Variants in TENM3 observed in about 807,000 individuals in gnomAD.
The protein encoded by TENM3 is teneurin-3.
In TENM3, 63 loss-of-function variants were observed where a neutral mutation model predicts 255.1. The ratio of observed to expected loss-of-function variants is 0.25; its 90% CI spans 0.20 to 0.30. The LOEUF is 0.30. Ranked by LOEUF, TENM3 falls within the 10% of genes least tolerant of loss-of-function variation. TENM3 has a pLI of 1.00. For synonymous variants in TENM3, 1,306 were observed against 1,322.3 expected (o/e 0.99, Z 0.27); for missense variants, 2,929 against 3,461.1 (o/e 0.85, Z 3.86).
Position 182,373,362 on chromosome 4 carries a change from A to G in TENM3, c.511+26433A>G, listed in dbSNP as rs150458663. 5.8e-4 allele frequency among the ~76,000 whole-genome samples: 89 copies of G among 152,316 alleles called. 1 individual carries two copies. The highest frequency in any genetic ancestry group is 4.6e-3 in the South Asian group (22 of 4,826). On this transcript the variant is annotated intron_variant, in intron 3 of 27. Coordinates refer to ENST00000511685, the MANE Select transcript of TENM3 (RefSeq NM_001080477.4). ...GGAAGTACCTGAGGCTGGGTAATTT[A>G]TAACGAAAGAGGTTTATTTGGCTCA...
intron 1 of TENM3, among the ~76,000 whole-genome samples, chr4:182,322,210 A>C (rs1262158040): frequency 6.6e-6 from 1 of 152,216 alleles, no homozygotes; most frequent in African/African-American, 2.4e-5. Context: ...TAAAATAAAA[A>C]CCAAATTCAT....
At position 182,186,762 on chromosome 4, in the gene TENM3, CATATATATATATATATATATATATATAT is replaced by C. The variant is rs70954298; in HGVS notation, c.-76+42033_-76+42060del. On this transcript the variant is annotated intron_variant, in intron 1 of 2. Transcript: ENST00000512480. ...TTGGGTAAGAAATATACTAATGCAT[CATATATATATATATATATATATATATAT>C]ATATATATATATATATATATATATG... Among the ~76,000 whole-genome samples the C allele has an allele frequency of 3.6e-3, 99 of 27,504 alleles. 2 individuals carry two copies. Among genetic ancestry groups the C allele is most frequent in the Non-Finnish European group, 4.2e-3 (57 of 13,528 alleles). 18.0% of individuals were successfully genotyped at this position (27,504 alleles called of 152,430 possible). A position where few individuals can be genotyped will look rare whatever the true frequency, so the allele number is the denominator to read the frequency against.
At chr4:182,191,367 G>A (rs557967849) in intron 1 of TENM3, among the ~76,000 whole-genome samples, 44 of 152,052 alleles carry the variant, frequency 2.9e-4, no homozygotes, top group African/African-American at 9.6e-4. Context: ...CTTTTCTCCG[G>A]CTCTCTCCTC....
chr4:181,655,100 T>C, the TENM3 span, among the ~76,000 whole-genome samples: 1 of 152,186 alleles, frequency 6.6e-6, no homozygotes, highest in Non-Finnish European at 1.5e-5. Context: ...GGAAGGCCAA[T>C]CATGGGACGA....
chr4:181,725,274 A>G, the TENM3 span, among the ~76,000 whole-genome samples: 6 of 152,168 alleles, frequency 3.9e-5, no homozygotes, highest in Non-Finnish European at 8.8e-5. Context: ...TTTACTGGAC[A>G]TCAGGAAAGA....
chr4:182,743,039 G>C lies in TENM3; in HGVS notation c.3380-131G>C, dbSNP rs1294958657. Reference sequence around the variant, plus strand: ...GTTGAATACAATTCATTCCAATGGAGCTTCAAATAAGAATGTCTTAATCCA... The same window carrying C: ...GTTGAATACAATTCATTCCAATGGACCTTCAAATAAGAATGTCTTAATCCA... On this transcript the variant is annotated intron_variant, in intron 18 of 27. Coordinates refer to ENST00000511685, the MANE Select transcript of TENM3 (RefSeq NM_001080477.4). 3 of 950,626 alleles carry C rather than the reference G, an allele frequency of 3.2e-6. No homozygotes were observed. The African/African-American group carries it at 5.0e-5, about 16-fold the overall frequency. The allele number at this position is 950,626 out of a possible 1,614,324, so 58.9% of individuals were successfully genotyped here.
intron 1 of TENM3, among the ~76,000 whole-genome samples, chr4:182,231,129 C>G (rs775126540): frequency 2.6e-5 from 4 of 151,928 alleles, no homozygotes; most frequent in Non-Finnish European, 5.9e-5. Flanking sequence ...TCTTGTTCTA[C>G]ATCTTTGTTC....
chr4:181,734,535 G>A, the TENM3 span, among the ~76,000 whole-genome samples: 1 of 152,036 alleles, frequency 6.6e-6, no homozygotes, highest in South Asian at 2.1e-4. Flanking sequence ...ACACATATAT[G>A]TATATATGAC....
the TENM3 span, among the ~76,000 whole-genome samples, chr4:182,109,998 A>G: frequency 6.6e-6 from 1 of 151,552 alleles, no homozygotes; most frequent in African/African-American, 2.4e-5. Context: ...ATTACTTGAA[A>G]TTTTACGTGG....
At chr4:181,612,820 T>A in the TENM3 span, among the ~76,000 whole-genome samples, 2 of 152,208 alleles carry the variant, frequency 1.3e-5, no homozygotes, top group Non-Finnish European at 2.9e-5. Flanking sequence ...TAAAGTTTTC[T>A]AAATATTATG....
chr4:181,538,357 G>A, the TENM3 span, among the ~76,000 whole-genome samples: 411 of 152,138 alleles, frequency 2.7e-3, 1 homozygote, highest in African/African-American at 9.4e-3. Context: ...AGTCAAAAAT[G>A]TCTTTATTAA....
intron 1 of TENM3, among the ~76,000 whole-genome samples, chr4:182,267,599 A>T (rs1254522074): frequency 1.3e-5 from 2 of 152,138 alleles, no homozygotes; most frequent in Non-Finnish European, 2.9e-5. Flanking sequence ...CTTCAAGAGA[A>T]AAGAAATTTA....
At chr4:182,429,342 A>T (rs988711321) in intron 3 of TENM3, among the ~76,000 whole-genome samples, 1 of 152,228 alleles carries the variant, frequency 6.6e-6, no homozygotes, top group African/African-American at 2.4e-5. Flanking sequence ...CTTAATTTTT[A>T]TAACTTTTAA....
the TENM3 span, among the ~76,000 whole-genome samples, chr4:182,036,367 T>A: frequency 2.0e-5 from 3 of 152,092 alleles, no homozygotes; most frequent in South Asian, 6.2e-4. Flanking sequence ...ATTTTTGTAT[T>A]TTTAGTAGAG....
the TENM3 span, among the ~76,000 whole-genome samples, chr4:181,460,976 A>G: frequency 6.6e-6 from 1 of 151,980 alleles, no homozygotes; most frequent in East Asian, 1.9e-4. Flanking sequence ...TTCTATATCT[A>G]TGTCCATTCA....
chr4:182,044,079 T>C, the TENM3 span, among the ~76,000 whole-genome samples: 2 of 152,216 alleles, frequency 1.3e-5, no homozygotes, highest in African/African-American at 4.8e-5. Flanking sequence ...AATTTTCCTA[T>C]GTGATGGTTG....
chr4:182,391,351 C>A (rs1768409500), intron 3 of TENM3, among the ~76,000 whole-genome samples: 1 of 152,070 alleles, frequency 6.6e-6, no homozygotes, highest in Non-Finnish European at 1.5e-5. Context: ...AAAATCAAAC[C>A]CAGATGTCCT....
At chr4:181,828,719 G>A in the TENM3 span, among the ~76,000 whole-genome samples, 1 of 152,148 alleles carries the variant, frequency 6.6e-6, no homozygotes, top group Admixed American at 6.5e-5. Context: ...CTCCTGAGTA[G>A]CTGGGATTAC....
intron 3 of TENM3, among the ~76,000 whole-genome samples, chr4:182,529,680 CATTT>C (rs1739577984): frequency 1.3e-5 from 2 of 152,182 alleles, no homozygotes; most frequent in East Asian, 3.9e-4. Flanking sequence ...TTCCTTCATT[CATTT>C]GTTCATTTAT....
Sources: gnomAD v4.1 joint callset for allele counts (sites outside exome capture counted in the v4.1 genomes callset) on GRCh38, gnomAD v4.1.1 for gene constraint, MANE v1.5 for transcripts, NCBI Gene and HGNC (gene_info 2026-07-23, HGNC 2026-07-21) for gene names.